The following ROBO2 variants were observed in gnomAD, a reference collection of about 807,000 sequenced individuals.
ROBO2 encodes the protein roundabout guidance receptor 2.
In ROBO2, 53 loss-of-function variants were observed where a neutral mutation model predicts 160.8. The observed-to-expected ratio is 0.33, with a 90% CI of 0.26 to 0.41. The LOEUF (loss-of-function observed/expected upper bound fraction) is 0.41, where lower values mean the gene tolerates loss of function less well. ROBO2 is among the 10% of genes least tolerant of loss of function. ROBO2 has a pLI of 1.00. For synonymous variants in ROBO2, 664 were observed against 611.7 expected, an observed-to-expected ratio of 1.09 and a Z score of -1.26; for missense variants, 1,577 against 1,722.4, an observed-to-expected ratio of 0.92 and a Z score of 1.49.
At chr3:76,694,290 C>T (rs1051172667) in intron 2 of ROBO2, among the ~76,000 whole-genome samples, 5 of 152,142 alleles carry the variant, frequency 3.3e-5, no homozygotes, top group East Asian at 1.9e-4. Flanking sequence ...TCCACAAGAA[C>T]GCCTCTCAGA....
chr3:76,758,976 A>G (rs1360390322), intron 2 of ROBO2, among the ~76,000 whole-genome samples: 1 of 151,882 alleles, frequency 6.6e-6, no homozygotes, highest in Non-Finnish European at 1.5e-5. Context: ...GAGTAGATAT[A>G]TTGTTTTAAA....
At chr3:76,613,047 T>C (rs899875308) in intron 2 of ROBO2, among the ~76,000 whole-genome samples, 1 of 152,152 alleles carries the variant, frequency 6.6e-6, no homozygotes, top group African/African-American at 2.4e-5. Flanking sequence ...TCATTTTTGT[T>C]TTAATTCATT....
chr3:77,061,040 A>T (rs2066248944), intron 1 of ROBO2, among the ~76,000 whole-genome samples: 1 of 151,944 alleles, frequency 6.6e-6, no homozygotes, highest in Admixed American at 6.6e-5. Flanking sequence ...GGTTCAAGGG[A>T]TTCTTCTGCC....
intron 2 of ROBO2, among the ~76,000 whole-genome samples, chr3:76,217,899 T>C (rs1363032602): frequency 6.6e-6 from 1 of 152,152 alleles, no homozygotes; most frequent in Non-Finnish European, 1.5e-5. Context: ...TGAACATTGA[T>C]GCAAAAATCC....
chr3:77,546,228 T>C (rs1044438089), intron 6 of ROBO2, 110 bp from the exon 8 acceptor site: 1 of 1,142,082 alleles, frequency 8.8e-7, no homozygotes, highest in Non-Finnish European at 1.3e-6. Context: ...TAAAAAACTG[T>C]AGTCTCTCTC....
rs73841075 is a variant in ROBO2 at position 76,019,534 on chromosome 3, C to T, written c.109+81932C>T. ...TGCATTATGGCCTCCCCACATGGTT[C>T]AGTTTTCTCTGAAGTTCCGTGTATA... On this transcript the variant is annotated intron_variant, in intron 2 of 26. Coordinates refer to the ROBO2 transcript ENST00000487694. Among the ~76,000 whole-genome samples, 1,037 of 142,088 alleles carry T rather than the reference C, an allele frequency of 7.3e-3. 16 individuals carry two copies. Among genetic ancestry groups the T allele is most frequent in the African/African-American group, 0.025 (964 of 38,452 alleles). The allele number at this position is 142,088 out of a possible 152,430, so 93.2% of individuals were successfully genotyped here.
At chr3:77,476,425 A>G (rs2153584392) in intron 2 of ROBO2, among the ~76,000 whole-genome samples, 1 of 151,722 alleles carries the variant, frequency 6.6e-6, no homozygotes, top group Admixed American at 6.6e-5. Context: ...TTTTACCTCA[A>G]GGTACTTTGG....
intron 2 of ROBO2, among the ~76,000 whole-genome samples, chr3:77,304,305 GT>G (rs1222401108): frequency 6.6e-6 from 1 of 152,194 alleles, no homozygotes; most frequent in African/African-American, 2.4e-5. Context: ...TCAGCAGAAG[GT>G]TGGCTGGTCG....
At chr3:77,199,926 C>A (rs1411120739) in intron 2 of ROBO2, among the ~76,000 whole-genome samples, 1 of 144,886 alleles carries the variant, frequency 6.9e-6, no homozygotes, top group African/African-American at 2.4e-5. Flanking sequence ...CTGCACCTGG[C>A]CTAATTAGTT....
At chr3:77,141,893 G>A (rs141203066) in intron 2 of ROBO2, among the ~76,000 whole-genome samples, 10 of 152,292 alleles carry the variant, frequency 6.6e-5, no homozygotes, top group Non-Finnish European at 1.0e-4. Flanking sequence ...TCCTCTAGCC[G>A]TGTGTTAGAC....
intron 2 of ROBO2, among the ~76,000 whole-genome samples, chr3:77,156,697 AT>A (rs1481822860): frequency 6.6e-6 from 1 of 151,080 alleles, no homozygotes; most frequent in Non-Finnish European, 1.5e-5. Context: ...ATTTTAACAA[AT>A]TTCTGCTGGT....
chr3:77,174,445 G>T (rs923999140), intron 2 of ROBO2, among the ~76,000 whole-genome samples: 3 of 151,812 alleles, frequency 2.0e-5, no homozygotes, highest in Non-Finnish European at 2.9e-5. Flanking sequence ...ATTTCAACTG[G>T]GTGTTCATGC....
At chr3:75,974,541 C>A (rs960686072) in intron 2 of ROBO2, among the ~76,000 whole-genome samples, 4 of 151,600 alleles carry the variant, frequency 2.6e-5, no homozygotes, top group Non-Finnish European at 4.4e-5. Context: ...TGTCAAAGTA[C>A]TGTTGGTATC....
chr3:76,520,773 G>GACAAA (rs536538735), intron 2 of ROBO2, among the ~76,000 whole-genome samples: 1,918 of 152,010 alleles, frequency 0.013, 31 homozygotes, highest in African/African-American at 0.043. Flanking sequence ...TCCACATCTT[G>GACAAA]ACAAAACAAA....
intron 2 of ROBO2, among the ~76,000 whole-genome samples, chr3:76,809,506 T>A (rs1442648909): frequency 6.6e-6 from 1 of 152,170 alleles, no homozygotes; most frequent in Non-Finnish European, 1.5e-5. Flanking sequence ...CGATTATAAC[T>A]TTTTAAATTT....
At chr3:77,557,017 A>G (rs2093146975) in intron 8 of ROBO2, among the ~76,000 whole-genome samples, 1 of 151,744 alleles carries the variant, frequency 6.6e-6, no homozygotes, top group Non-Finnish European at 1.5e-5. Flanking sequence ...TCAACTCTAT[A>G]TTTTTCTTAA....
At chr3:76,793,526 T>C (rs1009709469) in intron 2 of ROBO2, among the ~76,000 whole-genome samples, 1 of 151,802 alleles carries the variant, frequency 6.6e-6, no homozygotes, top group East Asian at 1.9e-4. Context: ...TTACAGGAAG[T>C]AAAAAACATA....
chr3:76,788,064 C>T (rs1378051447), intron 2 of ROBO2, among the ~76,000 whole-genome samples: 2 of 151,080 alleles, frequency 1.3e-5, no homozygotes, highest in Admixed American at 6.6e-5. Context: ...TCTTATCAAC[C>T]TTCCCATCAT....
chr3:77,508,720 G>C (rs1391558349), intron 5 of ROBO2, among the ~76,000 whole-genome samples: 1 of 151,850 alleles, frequency 6.6e-6, no homozygotes, highest in Non-Finnish European at 1.5e-5. Context: ...GTTAATATTT[G>C]ATATAAATGA....
Sources: allele counts gnomAD v4.1 joint callset (sites outside exome capture counted in the v4.1 genomes callset), GRCh38; gene constraint gnomAD v4.1.1; transcripts MANE v1.5; gene names NCBI Gene and HGNC (gene_info 2026-07-23, HGNC 2026-07-21).